RIPPLY3: variants seen among roughly 807,000 people sequenced by gnomAD.
RIPPLY3 encodes ripply transcriptional repressor 3.
A neutral mutation model predicts 11.9 loss-of-function variants in RIPPLY3; 8 were observed. The observed-to-expected ratio is 0.67, with a 90% confidence interval of 0.40 to 1.21. The LOEUF is 1.21. Ranked by LOEUF, RIPPLY3 falls within the 50% of genes most tolerant of loss-of-function variation. The pLI is 0.01. For synonymous variants in RIPPLY3, 102 were observed against 99.0 expected (o/e 1.03, Z -0.18); for missense variants, 271 against 246.0 (o/e 1.10, Z -0.68).
chr21:37,009,750 G>T (rs2069501796), intron 2 of RIPPLY3, among the ~76,000 whole-genome samples: 2 of 152,196 alleles, frequency 1.3e-5, no homozygotes, highest in Non-Finnish European at 2.9e-5. Context: ...CCGTTTGTGA[G>T]AAAAATTTAC....
chr21:37,007,850 G>A (rs1006405210), intron 1 of RIPPLY3, among the ~76,000 whole-genome samples: 2 of 152,188 alleles, frequency 1.3e-5, no homozygotes, highest in Non-Finnish European at 1.5e-5. Flanking sequence ...ACCCCGAATT[G>A]AACAATTCAG....
Position 37,018,049 on chromosome 21 carries a change from G to C in RIPPLY3, c.415G>C (p.Glu139Gln), listed in dbSNP as rs781553378. Residue 139 changes from glutamate to glutamine, a missense_variant, in exon 4 of 4, where the codon GAG (glutamate) becomes CAG (glutamine). Coordinates refer to ENST00000329553, the MANE Select transcript of RIPPLY3 (RefSeq NM_018962.3). ...CCCACCCCTCCATCTTCTGCCCCAG[G>C]AGGTGGGAGGTCGGCAGGAAAATGG... ...GPPPLHLLPQEVGGRQENGPG... is the reference protein window; with the variant it reads ...GPPPLHLLPQQVGGRQENGPG... The C allele has an allele frequency of 6.2e-7, 1 of 1,614,108 alleles. No homozygotes were observed. Among genetic ancestry groups the C allele is most frequent in the South Asian group, 1.1e-5 (1 of 91,072 alleles).
chr21:37,010,491 T>C (rs1470991709), intron 2 of RIPPLY3, among the ~76,000 whole-genome samples: 1 of 151,900 alleles, frequency 6.6e-6, no homozygotes, highest in Non-Finnish European at 1.5e-5. Context: ...AGACCCTGTC[T>C]CAAAAACAAA....
intron 2 of RIPPLY3, among the ~76,000 whole-genome samples, chr21:37,011,929 CAAAAAAA>C (rs59382996): frequency 2.8e-4 from 13 of 47,104 alleles, no homozygotes; most frequent in African/African-American, 3.8e-4. Flanking sequence ...GACTCCGTCT[CAAAAAAA>C]AAAAAAAAAA....
At chr21:37,012,114 G>T (rs897890483) in intron 2 of RIPPLY3, among the ~76,000 whole-genome samples, 14 of 151,506 alleles carry the variant, frequency 9.2e-5, no homozygotes, top group African/African-American at 3.4e-4. Flanking sequence ...TCAGGCCATA[G>T]TAAGTTTTGT....
Position 37,006,930 on chromosome 21 carries a change from G to T in RIPPLY3, c.104+54G>T, listed in dbSNP as rs930880133. The T allele has an allele frequency of 2.9e-6, 3 of 1,050,772 alleles. No homozygotes were observed. The African/African-American group carries it at 5.0e-5, about 17-fold the overall frequency. 65.1% of individuals were successfully genotyped at this position (1,050,772 alleles called of 1,614,324 possible). The stretch of plus-strand genomic sequence containing the variant: ...GCGCTGAGAGGCGTGCGCGGTGGCG[G>T]TGCGGGGAGCGCAGCGAGCGGGAGG... On this transcript the variant is annotated intron_variant, in intron 1 of 3. Transcript: ENST00000329553. The surrounding 1 kb of genome is among the most constrained non-coding windows in gnomAD (Gnocchi z 5.2).
chr21:37,013,068 A>G (rs1381581238), intron 2 of RIPPLY3, among the ~76,000 whole-genome samples: 1 of 152,024 alleles, frequency 6.6e-6, no homozygotes, highest in Non-Finnish European at 1.5e-5. Context: ...TCAATCTCCC[A>G]AAATGCTGGT....
Position 37,013,575 on chromosome 21 carries a change from A to G in RIPPLY3, c.196A>G (p.Thr66Ala), listed in dbSNP as rs760874122. Residue 66 changes from threonine (T) to alanine (A), a missense_variant, in exon 3 of 4, where the codon ACT becomes GCT. Coordinates refer to ENST00000329553, the MANE Select transcript of RIPPLY3 (RefSeq NM_018962.3). ...GCTTGAACCTAGGGCTGACCAACAC[A>G]CTTTTGGATCAAAGGGAGCCTTTGG... ...RPLEPRADQH[T>A]FGSKGAFGFQ... The G allele has an allele frequency of 1.9e-6, 3 of 1,613,658 alleles. No individual in the cohort carries two copies. The highest frequency in any genetic ancestry group is 2.7e-5 in the African/African-American group (2 of 74,904).
chr21:37,012,071 C>T (rs1195623484), intron 2 of RIPPLY3, among the ~76,000 whole-genome samples: 2 of 151,380 alleles, frequency 1.3e-5, no homozygotes, highest in Admixed American at 6.6e-5. Flanking sequence ...GATGGAATGG[C>T]GTGGAGATTC....
rs2069466979 is a variant in RIPPLY3 at position 37,006,708 on chromosome 21, C to T, written c.-65C>T. The T allele has an allele frequency of 9.4e-7, 1 of 1,060,980 alleles. No individual in the cohort carries two copies. Among genetic ancestry groups the T allele is most frequent in the East Asian group, 3.4e-5 (1 of 29,504 alleles). The allele number at this position is 1,060,980 out of a possible 1,614,324, so 65.7% of individuals were successfully genotyped here. ...CGCGCGGGTAGGTGAGCGCGTTAGCCCGAGTGGATCTAGGCGCGCTCGTAG... is the reference window on the plus strand; with the variant it reads ...CGCGCGGGTAGGTGAGCGCGTTAGCTCGAGTGGATCTAGGCGCGCTCGTAG... On this transcript the variant is annotated 5_prime_UTR_variant, in exon 1 of 4. Transcript: ENST00000329553. The surrounding 1 kb of genome is among the most constrained non-coding windows in gnomAD (Gnocchi z 5.2).
At chr21:37,006,681 G>C (rs2069466621), upstream of RIPPLY3, 9 of 835,148 alleles carry the variant, frequency 1.1e-5, no homozygotes, top group Non-Finnish European at 1.4e-5. This position sits in a 1 kb window ranked among gnomAD's most constrained non-coding sequence, Gnocchi z 5.2. Flanking sequence ...TTTTAAACCT[G>C]GCGCGCGGGT....
intron 3 of RIPPLY3, among the ~76,000 whole-genome samples, chr21:37,016,374 A>C (rs2069578742): frequency 6.6e-6 from 1 of 152,198 alleles, no homozygotes; most frequent in Non-Finnish European, 1.5e-5. Context: ...TATCTTATGA[A>C]GTAAAAAACT....
chr21:37,009,234 A>AATT (rs2146773285), intron 2 of RIPPLY3, among the ~76,000 whole-genome samples: 2 of 147,842 alleles, frequency 1.4e-5, no homozygotes, highest in African/African-American at 4.9e-5. Context: ...CTTTTACTTA[A>AATT]TTTTTTTTTT....
chr21:37,015,631 C>A (rs1298122413), intron 3 of RIPPLY3, among the ~76,000 whole-genome samples: 1 of 152,212 alleles, frequency 6.6e-6, no homozygotes, highest in Non-Finnish European at 1.5e-5. Context: ...ATGTACCCAT[C>A]ACCGGCCTCA....
intron 2 of RIPPLY3, among the ~76,000 whole-genome samples, chr21:37,009,384 C>A (rs1253737171): frequency 1.3e-5 from 2 of 151,932 alleles, no homozygotes; most frequent in Non-Finnish European, 2.9e-5. Flanking sequence ...AGACCTTCAC[C>A]GTATTTTGAT....
chr21:37,012,147 T>C (rs111594121), intron 2 of RIPPLY3, among the ~76,000 whole-genome samples: 153 of 151,136 alleles, frequency 1.0e-3, no homozygotes, highest in African/African-American at 3.4e-3. Flanking sequence ...CTGGTTCCAA[T>C]TGAACTTTGG....
chr21:37,006,749 A>G lies in RIPPLY3; in HGVS notation c.-24A>G. On this transcript the variant is annotated 5_prime_UTR_variant, in exon 1 of 4. Transcript: ENST00000329553. The surrounding 1 kb of genome is among the most constrained non-coding windows in gnomAD (Gnocchi z 5.2). ...GCGCTCGTAGGCCGGCGCCGCAGCA[A>G]GGGGCGCGGGCTCCGCCGGCACCAT... 3 of 1,216,722 alleles carry G rather than the reference A, an allele frequency of 2.5e-6. No individual in the cohort carries two copies. The highest frequency in any genetic ancestry group is 3.1e-6 in the Non-Finnish European group (3 of 975,140). 75.4% of individuals were successfully genotyped at this position (1,216,722 alleles called of 1,614,324 possible).
At chr21:37,009,243 T>C (rs887121985) in intron 2 of RIPPLY3, among the ~76,000 whole-genome samples, 2 of 152,190 alleles carry the variant, frequency 1.3e-5, no homozygotes, top group Non-Finnish European at 2.9e-5. Flanking sequence ...AATTTTTTTT[T>C]TTTTGATGAC....
intron 3 of RIPPLY3, among the ~76,000 whole-genome samples, chr21:37,016,358 A>G (rs1395047015): frequency 1.3e-5 from 2 of 152,206 alleles, no homozygotes; most frequent in East Asian, 1.9e-4. Context: ...CCATTGGTCT[A>G]TTGGATATCT....
Sources: gnomAD v4.1 joint callset for allele counts (sites outside exome capture counted in the v4.1 genomes callset) on GRCh38, gnomAD v4.1.1 for gene constraint, Gnocchi (gnomAD v3.1) non-coding constraint, MANE v1.5 for transcripts, NCBI Gene and HGNC (gene_info 2026-07-23, HGNC 2026-07-21) for gene names.